Variants in CAMKMT observed in about 807,000 individuals in gnomAD.
CAMKMT encodes the protein calmodulin-lysine N-methyltransferase, also known as CaM KMT.
Under a neutral mutation model 48.0 loss-of-function variants are expected in CAMKMT, and 53 were observed. The observed-to-expected ratio is 1.10, with a 90% CI of 0.89 to 1.39. The LOEUF (loss-of-function observed/expected upper bound fraction) is 1.39. Among genes scored for constraint, CAMKMT ranks in the 40% most tolerant of loss-of-function variants. The probability of loss-of-function intolerance (pLI) is 0.00; values close to 1 mark genes in which losing one functional copy is unlikely to be tolerated. For missense variants in CAMKMT, 428 were observed against 402.7 expected (o/e 1.06, Z -0.54); for synonymous variants, 165 against 152.3 (o/e 1.08, Z -0.61).
At chr2:44,434,550 G>A (rs1684837354) in intron 3 of CAMKMT, among the ~76,000 whole-genome samples, 1 of 152,114 alleles carries the variant, frequency 6.6e-6, no homozygotes, top group Non-Finnish European at 1.5e-5. Context: ...CCTACTGTAT[G>A]GTAATTATCT....
At chr2:44,682,086 A>T (rs1156927960) in intron 3 of CAMKMT, among the ~76,000 whole-genome samples, 1 of 152,216 alleles carries the variant, frequency 6.6e-6, no homozygotes, top group Non-Finnish European at 1.5e-5. Flanking sequence ...TGTGCCTTAG[A>T]GTGTAAACCT....
chr2:44,671,591 C>T (rs561582554), intron 3 of CAMKMT, among the ~76,000 whole-genome samples: 56 of 152,266 alleles, frequency 3.7e-4, no homozygotes, highest in African/African-American at 1.3e-3. Flanking sequence ...CGTGTGGCCA[C>T]CCCAAATGTC....
intron 3 of CAMKMT, among the ~76,000 whole-genome samples, chr2:44,513,750 C>T (rs1423729157): frequency 2.0e-5 from 3 of 151,918 alleles, no homozygotes; most frequent in Middle Eastern, 3.2e-3. Flanking sequence ...AGCAGTGTGC[C>T]GTAAAATCTG....
At chr2:44,702,483 T>C (rs1677309852) in intron 3 of CAMKMT, among the ~76,000 whole-genome samples, 1 of 152,194 alleles carries the variant, frequency 6.6e-6, no homozygotes, top group South Asian at 2.1e-4. Flanking sequence ...TACTCATCTC[T>C]CAGGCCAGTC....
chr2:44,550,015 G>A (rs2103647208), intron 3 of CAMKMT, among the ~76,000 whole-genome samples: 1 of 152,268 alleles, frequency 6.6e-6, no homozygotes, highest in Admixed American at 6.5e-5. Flanking sequence ...AGGGAAATGT[G>A]GAGAAAAGGA....
intron 3 of CAMKMT, among the ~76,000 whole-genome samples, chr2:44,586,442 C>A (rs1275774898): frequency 6.6e-6 from 1 of 152,128 alleles, no homozygotes; most frequent in Non-Finnish European, 1.5e-5. Context: ...CCTTCCTACC[C>A]TTCCCTAGGC....
At chr2:44,365,679 G>A (rs1011518228) in intron 1 of CAMKMT, among the ~76,000 whole-genome samples, 1 of 152,210 alleles carries the variant, frequency 6.6e-6, no homozygotes, top group African/African-American at 2.4e-5. Context: ...GCTAACCTGG[G>A]TTATCAGCCT....
intron 3 of CAMKMT, among the ~76,000 whole-genome samples, chr2:44,526,286 C>T (rs1671400121): frequency 6.6e-6 from 1 of 152,122 alleles, no homozygotes; most frequent in African/African-American, 2.4e-5. Flanking sequence ...ATGCTAAGAG[C>T]ATTCACTAGT....
intron 3 of CAMKMT, among the ~76,000 whole-genome samples, chr2:44,617,019 T>C (rs1331821624): frequency 6.6e-6 from 1 of 152,180 alleles, no homozygotes; most frequent in African/African-American, 2.4e-5. Flanking sequence ...GTAATCCATA[T>C]CTCCTTGTCA....
chr2:44,580,064 A>G (rs1669463793), intron 3 of CAMKMT, among the ~76,000 whole-genome samples: 1 of 152,138 alleles, frequency 6.6e-6, no homozygotes, highest in South Asian at 2.1e-4. Context: ...CCACGCACCC[A>G]GGGATTCTTG....
At chr2:44,756,322 C>A (rs1439352299) in intron 9 of CAMKMT, among the ~76,000 whole-genome samples, 2 of 152,216 alleles carry the variant, frequency 1.3e-5, no homozygotes, top group Non-Finnish European at 2.9e-5. Context: ...TCTGAGTATA[C>A]AGTCCAAGAC....
At chr2:44,609,573 TG>T (rs1671485948) in intron 3 of CAMKMT, among the ~76,000 whole-genome samples, 1 of 152,192 alleles carries the variant, frequency 6.6e-6, no homozygotes, top group Admixed American at 6.5e-5. Flanking sequence ...TTAATCCCTG[TG>T]GGTAAAAGTC....
intron 3 of CAMKMT, among the ~76,000 whole-genome samples, chr2:44,535,836 G>T (rs566882220): frequency 8.5e-5 from 13 of 152,160 alleles, no homozygotes; most frequent in Non-Finnish European, 1.6e-4. Context: ...ATAAGACAAG[G>T]TTGCCTACTT....
Position 44,460,281 on chromosome 2 carries a change from A to T in CAMKMT, c.376+69976A>T, listed in dbSNP as rs146310325. Among the ~76,000 whole-genome samples the T allele has an allele frequency of 1.4e-3, 219 of 152,348 alleles. 3 individuals carry two copies. Among genetic ancestry groups the T allele is most frequent in the African/African-American group, 4.9e-3 (205 of 41,580 alleles). On this transcript the variant is annotated intron_variant, in intron 3 of 10. Transcript: ENST00000378494. ...AAATAATTTTCATAAAAATGTAAAT[A>T]ACTTGTTTCAAAATAAAAGAGTATA...
intron 3 of CAMKMT, among the ~76,000 whole-genome samples, chr2:44,643,280 G>T (rs1308774138): frequency 6.6e-6 from 1 of 152,090 alleles, no homozygotes; most frequent in Non-Finnish European, 1.5e-5. Flanking sequence ...GCATGGAGAG[G>T]GTAAGAGTTG....
In CAMKMT at chr2:44,380,789, G is replaced by A. The variant is rs1680160066; in HGVS notation, c.311+7901G>A. Among the ~76,000 whole-genome samples the A allele has an allele frequency of 2.0e-5, 3 of 152,076 alleles. No individual in the cohort carries two copies. In the South Asian group the frequency reaches 6.2e-4, roughly 32 times the overall value. On this transcript the variant is annotated intron_variant, in intron 2 of 10. Transcript: ENST00000378494. ...TTTCATTTTTATAAGTATCTTAGAG[G>A]TATAGGATGAGGTTTACTGTTTCTC...
intron 3 of CAMKMT, among the ~76,000 whole-genome samples, chr2:44,703,015 A>G (rs1284928105): frequency 6.6e-6 from 1 of 152,208 alleles, no homozygotes; most frequent in Non-Finnish European, 1.5e-5. Context: ...GTGTTGAGTC[A>G]GAGAACATTT....
intron 3 of CAMKMT, among the ~76,000 whole-genome samples, chr2:44,403,809 G>T (rs529148154): frequency 6.6e-6 from 1 of 151,576 alleles, no homozygotes; most frequent in East Asian, 1.9e-4. Flanking sequence ...ACTACATATG[G>T]TTCTTGTCAA....
chr2:44,565,870 T>C (rs965738822), intron 3 of CAMKMT, among the ~76,000 whole-genome samples: 2 of 152,192 alleles, frequency 1.3e-5, no homozygotes, highest in African/African-American at 4.8e-5. Flanking sequence ...TGTTCTAAAG[T>C]TGATGATGCT....
Sources: allele counts gnomAD v4.1 joint callset (sites outside exome capture counted in the v4.1 genomes callset), GRCh38; gene constraint gnomAD v4.1.1; transcripts MANE v1.5; gene names NCBI Gene and HGNC (gene_info 2026-07-23, HGNC 2026-07-21).